The following ASXL2 variants were observed in gnomAD, a reference collection of about 807,000 sequenced individuals.
ASXL2 encodes putative Polycomb group protein ASXL2.
In ASXL2, 23 loss-of-function variants were observed where a neutral mutation model predicts 122.0. That is an observed-to-expected ratio of 0.19 (90% CI 0.14 to 0.27). The LOEUF is 0.27. Among genes scored for constraint, ASXL2 ranks in the 10% least tolerant of loss-of-function variants. The probability of loss-of-function intolerance (pLI) is 1.00; values close to 1 mark genes in which losing one functional copy is unlikely to be tolerated. For synonymous variants in ASXL2, 650 were observed against 637.0 expected (o/e 1.02, Z -0.31); for missense variants, 1,518 against 1,713.8 (o/e 0.89, Z 2.02).
In ASXL2 at chr2:25,741,375, A is replaced by G. The variant is rs1394885183; in HGVS notation, c.*654T>C. 4.5e-6 allele frequency: 1 copy of G among 223,480 alleles called. No homozygotes were observed. The highest frequency in any genetic ancestry group is 6.5e-5 in the East Asian group (1 of 15,364). 13.8% of individuals were successfully genotyped at this position (223,480 alleles called of 1,614,324 possible). A position where few individuals can be genotyped will look rare whatever the true frequency, so the allele number is the denominator to read the frequency against. On this transcript the variant is annotated 3_prime_UTR_variant, in exon 13 of 13. Transcript: ENST00000435504. ...TTGGCAACAGTACCAGTAACTAGTAACTAGTACAGTAGAAGCCAAGAACCA... is the reference window on the plus strand; with the variant it reads ...TTGGCAACAGTACCAGTAACTAGTAGCTAGTACAGTAGAAGCCAAGAACCA...
intron 2 of ASXL2, among the ~76,000 whole-genome samples, chr2:25,838,153 T>C (rs979863435): frequency 2.0e-5 from 3 of 152,132 alleles, no homozygotes; most frequent in African/African-American, 7.2e-5. Context: ...GCTGTACCTG[T>C]ATATTTTTAT....
chr2:25,802,976 CA>C (rs543981113), intron 4 of ASXL2, among the ~76,000 whole-genome samples: 1 of 152,074 alleles, frequency 6.6e-6, no homozygotes, highest in Non-Finnish European at 1.5e-5. Context: ...ACTAAAAATA[CA>C]AAAAATTAGT....
chr2:25,758,444 G>A (rs145718680), intron 9 of ASXL2, among the ~76,000 whole-genome samples: 239 of 152,204 alleles, frequency 1.6e-3, no homozygotes, highest in African/African-American at 5.5e-3. Context: ...ACACAGCTGA[G>A]ATTTTTAAAA....
chr2:25,842,988 A>ATT (rs373802106), intron 2 of ASXL2, among the ~76,000 whole-genome samples: 1 of 144,760 alleles, frequency 6.9e-6, no homozygotes. Flanking sequence ...CACCTGGCTA[A>ATT]TTTTTTTTTT....
intron 11 of ASXL2, among the ~76,000 whole-genome samples, chr2:25,751,621 G>A (rs959079590): frequency 6.6e-6 from 1 of 151,174 alleles, no homozygotes; most frequent in African/African-American, 2.4e-5. Context: ...GGGACAGAGT[G>A]GGACCCTGTC....
intron 5 of ASXL2, among the ~76,000 whole-genome samples, chr2:25,794,173 G>A (rs1017155961): frequency 6.6e-6 from 1 of 152,178 alleles, no homozygotes; most frequent in African/African-American, 2.4e-5. Context: ...CTGATTTAAA[G>A]TAGTTCTGAA....
chr2:25,852,951 A>C (rs768332134), intron 1 of ASXL2, among the ~76,000 whole-genome samples: 1 of 152,200 alleles, frequency 6.6e-6, no homozygotes, highest in Non-Finnish European at 1.5e-5. Flanking sequence ...TAAAGGTAGT[A>C]ATAGGGGATT....
rs1043269663 is a variant in ASXL2 at position 25,860,384 on chromosome 2, G to C, written c.58-14821C>G. 2.6e-5 allele frequency among the ~76,000 whole-genome samples: 4 copies of C among 151,932 alleles called. No individual in the cohort carries two copies. In the South Asian group the frequency reaches 8.3e-4, roughly 32 times the overall value. ...GCTTGTGGGATATAGCAAAAGCAGT[G>C]CTTAGAGGGAAATTTAAAGACTGAA... On this transcript the variant is annotated intron_variant, in intron 1 of 12. Coordinates refer to ENST00000435504, the MANE Select transcript of ASXL2 (RefSeq NM_018263.6).
chr2:25,761,465 G>T (rs2088241866), intron 8 of ASXL2, among the ~76,000 whole-genome samples: 1 of 152,054 alleles, frequency 6.6e-6, no homozygotes, highest in South Asian at 2.1e-4. Flanking sequence ...ACAAGGTCAG[G>T]AGATCGAGAC....
intron 3 of ASXL2, among the ~76,000 whole-genome samples, chr2:25,818,307 G>A (rs1275615760): frequency 6.6e-6 from 1 of 152,164 alleles, no homozygotes. Flanking sequence ...TCAGGAGATC[G>A]AGATCAGCCT....
At chr2:25,835,984 C>T (rs546905341) in intron 2 of ASXL2, among the ~76,000 whole-genome samples, 1 of 152,292 alleles carries the variant, frequency 6.6e-6, no homozygotes, top group South Asian at 2.1e-4. Flanking sequence ...ATCTGAATTA[C>T]AATGGATAAG....
At chr2:25,784,170 G>A (rs978186859) in intron 5 of ASXL2, among the ~76,000 whole-genome samples, 1 of 152,026 alleles carries the variant, frequency 6.6e-6, no homozygotes, top group African/African-American at 2.4e-5. Context: ...AGGATGACCT[G>A]AGCCTAAGAA....
chr2:25,821,336 G>C (rs2089307995), intron 3 of ASXL2, among the ~76,000 whole-genome samples: 1 of 151,172 alleles, frequency 6.6e-6, no homozygotes, highest in Non-Finnish European at 1.5e-5. Flanking sequence ...CAGCCTGGGT[G>C]ACAGAGCAAG....
chr2:25,781,853 G>A (rs1483826800), intron 5 of ASXL2, among the ~76,000 whole-genome samples: 3 of 151,068 alleles, frequency 2.0e-5, no homozygotes, highest in African/African-American at 4.9e-5. Context: ...TAGTAGAGAC[G>A]GGGTTTTGCC....
intron 4 of ASXL2, among the ~76,000 whole-genome samples, chr2:25,799,825 A>G (rs1437978834): frequency 6.6e-6 from 1 of 152,158 alleles, no homozygotes; most frequent in Non-Finnish European, 1.5e-5. Flanking sequence ...AAATGATTAA[A>G]TACTCTTACA....
chr2:25,852,949 GT>G (rs1323534904), intron 1 of ASXL2, among the ~76,000 whole-genome samples: 2 of 152,128 alleles, frequency 1.3e-5, no homozygotes, highest in East Asian at 3.8e-4. Flanking sequence ...TCTAAAGGTA[GT>G]AATAGGGGAT....
At chr2:25,859,806 G>C (rs1158632865) in intron 1 of ASXL2, among the ~76,000 whole-genome samples, 2 of 152,192 alleles carry the variant, frequency 1.3e-5, no homozygotes, top group Non-Finnish European at 2.9e-5. Context: ...AAATCATTAA[G>C]ATAGTTGGAA....
In ASXL2 at chr2:25,799,558, A is replaced by G. The variant is rs762969978; in HGVS notation, c.253-23T>C. The G allele has an allele frequency of 1.1e-5, 17 of 1,591,056 alleles. 1 individual carries two copies. The highest frequency in any genetic ancestry group is 2.3e-5 in the South Asian group (2 of 87,628). ...TTTCTGAAAATGTAGGCATCCAATTAGGATTAATCATTACCATTTAAGCAA... is the reference window on the plus strand; with the variant it reads ...TTTCTGAAAATGTAGGCATCCAATTGGGATTAATCATTACCATTTAAGCAA... On this transcript the variant is annotated intron_variant, in intron 4 of 12. Transcript: ENST00000435504.
At position 25,873,192 on chromosome 2, in the gene ASXL2, T is replaced by C. The variant is rs979440242; in HGVS notation, c.57+4974A>G. On this transcript the variant is annotated intron_variant, in intron 1 of 12. Transcript: ENST00000435504. ...TCAGTGTTTCTCAAGTTTTAGCCCA[T>C]GCCAATGCTTTCTCACTAATTTTTA... 4.0e-5 allele frequency among the ~76,000 whole-genome samples: 6 copies of C among 151,792 alleles called. No homozygotes were observed. In the East Asian group the frequency reaches 1.2e-3, roughly 30 times the overall value.
Sources: gnomAD v4.1 joint callset for allele counts (sites outside exome capture counted in the v4.1 genomes callset) on GRCh38, gnomAD v4.1.1 for gene constraint, MANE v1.5 for transcripts, NCBI Gene and HGNC (gene_info 2026-07-23, HGNC 2026-07-21) for gene names.